The following CSMD1 variants were observed in gnomAD, a reference collection of about 807,000 sequenced individuals.
CSMD1 encodes CUB and sushi domain-containing protein 1.
Under a neutral mutation model 417.5 loss-of-function variants are expected in CSMD1, and 213 were observed. The observed-to-expected ratio is 0.51, with a 90% CI of 0.46 to 0.57. The LOEUF is 0.57. Among genes scored for constraint, CSMD1 ranks in the 20% least tolerant of loss-of-function variants. The pLI is 0.00. For missense variants in CSMD1, 6,923 were observed against 4,529.7 expected, an observed-to-expected ratio of 1.53 and a Z score of -15.17; for synonymous variants, 2,862 against 1,736.8, an observed-to-expected ratio of 1.65 and a Z score of -16.11.
chr8:4,542,446 C>T (rs1014263901), intron 2 of CSMD1, among the ~76,000 whole-genome samples: 1 of 152,136 alleles, frequency 6.6e-6, no homozygotes, highest in Non-Finnish European at 1.5e-5. Context: ...GAACACAGTT[C>T]TGAGAACAAT....
In CSMD1 at chr8:3,167,261, G is replaced by A. The variant is rs1304554642; in HGVS notation, c.5726-4984C>T. 2.1e-5 allele frequency among the ~76,000 whole-genome samples: 3 copies of A among 142,532 alleles called. No individual in the cohort carries two copies. In the East Asian group the frequency reaches 6.8e-4, roughly 32 times the overall value. The allele number at this position is 142,532 out of a possible 152,430, so 93.5% of individuals were successfully genotyped here. On this transcript the variant is annotated intron_variant, in intron 37 of 69. Transcript: ENST00000635120. Reference sequence around the variant, plus strand: ...GATCGCACACTGCACTCCAGCCTGAGTGACAGAGCAAGACTCCAACTTGGA... The same window carrying A: ...GATCGCACACTGCACTCCAGCCTGAATGACAGAGCAAGACTCCAACTTGGA...
intron 2 of CSMD1, among the ~76,000 whole-genome samples, chr8:4,534,687 T>A (rs185698494): frequency 6.6e-6 from 1 of 152,114 alleles, no homozygotes; most frequent in African/African-American, 2.4e-5. Flanking sequence ...GAACATGTGG[T>A]ATTTGGTATT....
chr8:3,101,110 C>A (rs1002116892), intron 46 of CSMD1, among the ~76,000 whole-genome samples: 3 of 151,524 alleles, frequency 2.0e-5, no homozygotes, highest in African/African-American at 7.3e-5. Context: ...TGAAGGATCC[C>A]CCAAGGTCCA....
At chr8:3,553,633 A>G (rs570572641) in intron 10 of CSMD1, among the ~76,000 whole-genome samples, 1 of 152,348 alleles carries the variant, frequency 6.6e-6, no homozygotes, top group African/African-American at 2.4e-5. Context: ...TAATGACAGT[A>G]AAATCTTGAA....
At chr8:3,349,346 C>A (rs550266643) in intron 21 of CSMD1, among the ~76,000 whole-genome samples, 1 of 152,266 alleles carries the variant, frequency 6.6e-6, no homozygotes, top group African/African-American at 2.4e-5. Context: ...TATCCTAATC[C>A]ACTTGCCAGC....
intron 3 of CSMD1, among the ~76,000 whole-genome samples, chr8:4,314,080 T>C (rs1403151296): frequency 6.6e-6 from 1 of 151,888 alleles, no homozygotes; most frequent in Non-Finnish European, 1.5e-5. Context: ...TTTCTTTCTG[T>C]GTCCTGGAGA....
chr8:4,023,579 T>A (rs1382780300), intron 4 of CSMD1, among the ~76,000 whole-genome samples: 1 of 136,008 alleles, frequency 7.4e-6, no homozygotes, highest in Non-Finnish European at 1.5e-5. Context: ...TTACTGCTTT[T>A]CAACTTTTTT....
chr8:3,457,719 A>G (rs1816245750), intron 12 of CSMD1, among the ~76,000 whole-genome samples: 2 of 152,254 alleles, frequency 1.3e-5, no homozygotes, highest in African/African-American at 4.8e-5. Flanking sequence ...CGTAAAGGAA[A>G]CAGAAATACC....
intron 1 of CSMD1, among the ~76,000 whole-genome samples, chr8:4,716,390 C>T (rs1235095111): frequency 2.6e-5 from 4 of 152,178 alleles, no homozygotes; most frequent in African/African-American, 4.8e-5. Flanking sequence ...GGAAGGCCAA[C>T]ACAAGGATGG....
intron 5 of CSMD1, among the ~76,000 whole-genome samples, chr8:3,959,013 C>T (rs1157471880): frequency 6.6e-6 from 1 of 152,208 alleles, no homozygotes; most frequent in Non-Finnish European, 1.5e-5. Context: ...CTCCTCCCTA[C>T]TCTGCGGCGG....
intron 40 of CSMD1, among the ~76,000 whole-genome samples, chr8:3,150,335 C>A (rs138528930): frequency 9.4e-4 from 143 of 152,344 alleles, no homozygotes; most frequent in African/African-American, 3.3e-3. Flanking sequence ...TGCTCTTCCA[C>A]AGTCCTCCTC....
intron 7 of CSMD1, among the ~76,000 whole-genome samples, chr8:3,676,703 C>G (rs558714449): frequency 1.3e-5 from 2 of 152,254 alleles, no homozygotes; most frequent in South Asian, 2.1e-4. Context: ...CTGTCCATTT[C>G]TATCAAACTC....
chr8:3,871,213 G>C (rs1402657389), intron 5 of CSMD1, among the ~76,000 whole-genome samples: 1 of 151,848 alleles, frequency 6.6e-6, no homozygotes, highest in Non-Finnish European at 1.5e-5. Context: ...TGTGTACCAA[G>C]GAACTATATT....
Position 4,247,779 on chromosome 8 carries a change from T to A in CSMD1, c.415+172174A>T, listed in dbSNP as rs561545850. Among the ~76,000 whole-genome samples, 14 of 152,248 alleles carry A rather than the reference T, an allele frequency of 9.2e-5. No individual in the cohort carries two copies. In the South Asian group the frequency reaches 2.9e-3, roughly 32 times the overall value. ...GGAAGCCTACAACTTTAAAATAGAA[T>A]CTGAAAAAAGTACTGTGGGAGCCAA... is the stretch of plus-strand genomic sequence containing the variant. On this transcript the variant is annotated intron_variant, in intron 3 of 69. Transcript: ENST00000635120.
chr8:4,295,781 TATATATACACAC>T (rs1563407124), intron 3 of CSMD1, among the ~76,000 whole-genome samples: 1 of 43,228 alleles, frequency 2.3e-5, no homozygotes, highest in Non-Finnish European at 5.2e-5. Context: ...TATATATATA[TATATATACACAC>T]ACACATCTTG....
chr8:3,917,261 T>C (rs1475108257), intron 5 of CSMD1, among the ~76,000 whole-genome samples: 1 of 152,160 alleles, frequency 6.6e-6, no homozygotes, highest in Non-Finnish European at 1.5e-5. Context: ...TGCTGTTGAA[T>C]GCATGAACGA....
At chr8:4,357,647 T>A (rs1458572947) in intron 3 of CSMD1, among the ~76,000 whole-genome samples, 2 of 152,148 alleles carry the variant, frequency 1.3e-5, no homozygotes, top group Non-Finnish European at 2.9e-5. Flanking sequence ...TCTACAGGTT[T>A]CCTATAACTT....
At chr8:3,860,017 G>C (rs1353426343) in intron 5 of CSMD1, among the ~76,000 whole-genome samples, 1 of 152,082 alleles carries the variant, frequency 6.6e-6, no homozygotes, top group African/African-American at 2.4e-5. Context: ...GTTTGTTTGA[G>C]AAGTAAGAAT....
intron 3 of CSMD1, among the ~76,000 whole-genome samples, chr8:4,056,958 C>T (rs376244200): frequency 2.6e-4 from 39 of 152,224 alleles, no homozygotes; most frequent in African/African-American, 8.7e-4. Context: ...GGGTTGGTTC[C>T]AAGTCTTTGC....
Sources: gnomAD v4.1 joint callset for allele counts (sites outside exome capture counted in the v4.1 genomes callset) on GRCh38, gnomAD v4.1.1 for gene constraint, MANE v1.5 for transcripts, NCBI Gene and HGNC (gene_info 2026-07-23, HGNC 2026-07-21) for gene names.